ENAH: variants seen among roughly 807,000 people sequenced by gnomAD.
ENAH encodes the protein protein enabled homolog.
ENAH carries 23 observed loss-of-function variants against 78.7 expected under a neutral mutation model. The ratio of observed to expected loss-of-function variants is 0.29; its 90% CI spans 0.21 to 0.41. The LOEUF (loss-of-function observed/expected upper bound fraction) is 0.41, where lower values mean the gene tolerates loss of function less well. Ranked by LOEUF, ENAH falls within the 10% of genes least tolerant of loss-of-function variation. The pLI is 1.00. For synonymous variants in ENAH, 226 were observed against 241.0 expected (o/e 0.94, Z 0.58); for missense variants, 544 against 691.0 (o/e 0.79, Z 2.39).
At chr1:225,511,971 C>T (rs555883062) in intron 9 of ENAH, 112 bp from the exon 10 acceptor site, 2 of 616,832 alleles carry the variant, frequency 3.2e-6, no homozygotes, top group East Asian at 3.1e-5. Context: ...CCCACTTTCT[C>T]TTTCATCGGT....
intron 1 of ENAH, among the ~76,000 whole-genome samples, chr1:225,626,218 T>A (rs1479833092): frequency 6.6e-6 from 1 of 152,230 alleles, no homozygotes; most frequent in Non-Finnish European, 1.5e-5. Context: ...CTCCAGCAAC[T>A]CTCACTTTGC....
intron 1 of ENAH, among the ~76,000 whole-genome samples, chr1:225,622,454 T>C (rs1047984020): frequency 6.6e-6 from 1 of 152,180 alleles, no homozygotes; most frequent in Non-Finnish European, 1.5e-5. Context: ...TGTTATATAT[T>C]GTATTAAATA....
intron 1 of ENAH, among the ~76,000 whole-genome samples, chr1:225,576,691 G>A (rs1478482737): frequency 6.6e-6 from 1 of 152,188 alleles, no homozygotes; most frequent in Admixed American, 6.5e-5. Flanking sequence ...TAAAGAGTGA[G>A]AGGCACCATA....
At chr1:225,497,964 T>C in intron 13 of ENAH, 152 bp from the exon 14 acceptor site, 6 of 619,194 alleles carry the variant, frequency 9.7e-6, no homozygotes, top group East Asian at 2.8e-5. Context: ...TCTTTAATAT[T>C]AGAAAGATGA....
intron 1 of ENAH, among the ~76,000 whole-genome samples, chr1:225,579,431 G>A (rs2096803702): frequency 6.6e-6 from 1 of 152,144 alleles, no homozygotes; most frequent in East Asian, 1.9e-4. Flanking sequence ...AACATGTCTA[G>A]AATATCAGAT....
intron 11 of ENAH, among the ~76,000 whole-genome samples, chr1:225,502,777 A>G (rs1400906468): frequency 6.6e-6 from 1 of 152,198 alleles, no homozygotes; most frequent in African/African-American, 2.4e-5. Context: ...TAGATCCATA[A>G]AATGCAGAGT....
At position 225,530,774 on chromosome 1, in the gene ENAH, T is replaced by C; in HGVS notation, c.350-136A>G. 4.5e-6 allele frequency: 3 copies of C among 672,722 alleles called. No individual in the cohort carries two copies. The Admixed American group carries it at 8.4e-5, about 19-fold the overall frequency. 41.7% of individuals were successfully genotyped at this position (672,722 alleles called of 1,614,324 possible). ...TCTTTTTGTCTAGCAAAATAAAATA[T>C]AAGCTTTACATAACACAGAGCAAAT... On this transcript the variant is annotated intron_variant, in intron 3 of 13. Coordinates refer to ENST00000366843, the MANE Select transcript of ENAH (RefSeq NM_018212.6).
In ENAH at chr1:225,519,560, A is replaced by G; in HGVS notation, c.440T>C (p.Leu147Pro). ...QEELEIQRRQ[L>P]QEQQRQKELE... is the part of the protein sequence containing the mutation. ...CTCCTTTTGCCGTTGCTGTTCTTGT[A>G]GTTGTCTGGAAAAAAAAAAAAAAAA... is the stretch of plus-strand genomic sequence containing the variant. The change falls in exon 5 of 14, where the codon CTA becomes CCA. Residue 147 changes from leucine to proline, a missense_variant. By Grantham distance (98) the Leu-to-Pro change is moderately conservative. This residue lies in a region of ENAH where 366 missense variants were observed against 396.1 expected (regional missense o/e 0.92). Coordinates refer to ENST00000366843, the MANE Select transcript of ENAH (RefSeq NM_018212.6). 1 of 1,582,320 alleles carries G rather than the reference A, an allele frequency of 6.3e-7. No homozygotes were observed. Among genetic ancestry groups the G allele is most frequent in the Non-Finnish European group, 8.5e-7 (1 of 1,170,956 alleles).
intron 2 of ENAH, among the ~76,000 whole-genome samples, chr1:225,560,204 T>A (rs1485272116): frequency 3.9e-5 from 6 of 152,006 alleles, no homozygotes. Context: ...AAGGGCTTCC[T>A]GTGCCCCCCA....
chr1:225,608,092 G>A (rs1340060236), intron 1 of ENAH, among the ~76,000 whole-genome samples: 10 of 150,370 alleles, frequency 6.7e-5, no homozygotes, highest in Admixed American at 4.0e-4. Context: ...TCAAAGGGTC[G>A]AAAAAAAGAT....
chr1:225,529,367 G>A (rs2096526555), intron 4 of ENAH, among the ~76,000 whole-genome samples: 1 of 151,944 alleles, frequency 6.6e-6, no homozygotes, highest in Non-Finnish European at 1.5e-5. Context: ...TATCTGCTTG[G>A]TTAATTCCTT....
chr1:225,628,567 T>TCA (rs199789123), intron 1 of ENAH, among the ~76,000 whole-genome samples: 1,994 of 152,212 alleles, frequency 0.013, 46 homozygotes, highest in African/African-American at 0.045. Flanking sequence ...TCAAGTATAA[T>TCA]CACACATATA....
At chr1:225,552,956 G>A (rs2096648425) in intron 3 of ENAH, among the ~76,000 whole-genome samples, 1 of 152,188 alleles carries the variant, frequency 6.6e-6, no homozygotes, top group African/African-American at 2.4e-5. Context: ...AAAAAAGGCT[G>A]TGCACGGTGG....
At chr1:225,633,642 C>G (rs1659524816) in intron 1 of ENAH, among the ~76,000 whole-genome samples, 1 of 152,172 alleles carries the variant, frequency 6.6e-6, no homozygotes, top group African/African-American at 2.4e-5. Flanking sequence ...CACTGTAAAA[C>G]AGCAATGACG....
At chr1:225,590,422 C>G (rs956221592) in intron 1 of ENAH, among the ~76,000 whole-genome samples, 2 of 151,738 alleles carry the variant, frequency 1.3e-5, no homozygotes, top group Non-Finnish European at 1.5e-5. Context: ...TGAGATCGCA[C>G]CACTGCACTC....
chr1:225,598,172 A>G (rs1280711078), intron 1 of ENAH, among the ~76,000 whole-genome samples: 1 of 152,208 alleles, frequency 6.6e-6, no homozygotes, highest in Non-Finnish European at 1.5e-5. Flanking sequence ...TCTTCCACTT[A>G]CAAGAGGATT....
intron 1 of ENAH, among the ~76,000 whole-genome samples, chr1:225,628,173 G>A (rs555644266): frequency 6.6e-6 from 1 of 152,326 alleles, no homozygotes; most frequent in Admixed American, 6.5e-5. Flanking sequence ...TTAAAGGTCA[G>A]CATCAAAACA....
At chr1:225,515,833 T>C (rs1558735448) in intron 6 of ENAH, among the ~76,000 whole-genome samples, 1 of 152,228 alleles carries the variant, frequency 6.6e-6, no homozygotes, top group Non-Finnish European at 1.5e-5. Flanking sequence ...GTAGGGGTTG[T>C]TAAGAGTTCT....
At chr1:225,596,019 T>G (rs2096900258) in intron 1 of ENAH, among the ~76,000 whole-genome samples, 1 of 152,206 alleles carries the variant, frequency 6.6e-6, no homozygotes, top group Admixed American at 6.5e-5. Context: ...ATTTAGAAAC[T>G]ATAGTTTTCT....
Sources: gnomAD v4.1 joint callset for allele counts (sites outside exome capture counted in the v4.1 genomes callset) on GRCh38, gnomAD v4.1.1 for gene constraint, gnomAD v4.1.1 regional missense constraint, MANE v1.5 for transcripts, NCBI Gene and HGNC (gene_info 2026-07-23, HGNC 2026-07-21) for gene names.